AHI1: variants seen among roughly 807,000 people sequenced by gnomAD.
AHI1 encodes jouberin.
Under a neutral mutation model 149.3 loss-of-function variants are expected in AHI1, and 123 were observed. The ratio of observed to expected loss-of-function variants is 0.82; its 90% CI spans 0.71 to 0.96. AHI1 has a LOEUF of 0.96. Ranked by LOEUF, AHI1 falls within the 40% of genes least tolerant of loss-of-function variation. AHI1 has a pLI of 0.00. For synonymous variants in AHI1, 475 were observed against 459.8 expected (o/e 1.03, Z -0.42); for missense variants, 1,439 against 1,422.7 (o/e 1.01, Z -0.18).
At chr6:135,300,844 A>C in intron 26 of AHI1, 1 of 1,095,096 alleles carries the variant, frequency 9.1e-7, no homozygotes, top group Non-Finnish European at 1.1e-6. Flanking sequence ...ATCAGTTGTG[A>C]ATCAGTTTAA....
chr6:135,430,452 T>C (rs1451501563), intron 17 of AHI1, among the ~76,000 whole-genome samples: 1 of 151,942 alleles, frequency 6.6e-6, no homozygotes, highest in Non-Finnish European at 1.5e-5. Context: ...ACAGATCTGA[T>C]AGACTCAACA....
At chr6:135,310,058 T>C (rs959769707) in intron 26 of AHI1, among the ~76,000 whole-genome samples, 2 of 152,152 alleles carry the variant, frequency 1.3e-5, no homozygotes, top group African/African-American at 4.8e-5. Context: ...ATTATGACCA[T>C]ATTTCCAATG....
intron 13 of AHI1, among the ~76,000 whole-genome samples, chr6:135,443,751 C>T (rs1193313128): frequency 6.6e-6 from 1 of 152,122 alleles, no homozygotes; most frequent in Non-Finnish European, 1.5e-5. Context: ...TGTTAAGTGT[C>T]AATCATGTAC....
chr6:135,389,343 ATAT>A lies in AHI1; in HGVS notation c.3109+5430_3109+5432del, dbSNP rs200976213. 1.4e-3 allele frequency among the ~76,000 whole-genome samples: 216 copies of A among 152,056 alleles called. 3 individuals are homozygous for A. Among genetic ancestry groups the A allele is most frequent in the East Asian group, 2.1e-3 (11 of 5,178 alleles). ...AAAAAAAAAAAATACAGTTCTTCAAATATTATTCAACATGTCGATGCACAAGAG... is the reference window on the plus strand; with the variant it reads ...AAAAAAAAAAAATACAGTTCTTCAAATATTCAACATGTCGATGCACAAGAG... On this transcript the variant is annotated intron_variant, in intron 23 of 28. Coordinates refer to ENST00000265602, the MANE Select transcript of AHI1 (RefSeq NM_001134831.2).
chr6:135,362,902 C>T lies in AHI1; in HGVS notation c.3110-4715G>A, dbSNP rs187454840. On this transcript the variant is annotated intron_variant, in intron 23 of 28. Transcript: ENST00000265602. ...TTTATCTTTGTTTTTGTTGCAATTGCTTTTGGGTTCTTGATCATAAAGTCT... is the reference window on the plus strand; with the variant it reads ...TTTATCTTTGTTTTTGTTGCAATTGTTTTTGGGTTCTTGATCATAAAGTCT... Among the ~76,000 whole-genome samples the T allele has an allele frequency of 5.2e-3, 784 of 151,970 alleles. 4 individuals carry two copies. Among genetic ancestry groups the T allele is most frequent in the African/African-American group, 0.017 (712 of 41,488 alleles).
intron 5 of AHI1, among the ~76,000 whole-genome samples, chr6:135,479,175 C>A (rs903422444): frequency 2.6e-5 from 4 of 152,268 alleles, no homozygotes; most frequent in African/African-American, 9.6e-5. Context: ...CCCACACAGT[C>A]TCCACTGGGG....
At chr6:135,486,056 C>A (rs1356266183) in intron 5 of AHI1, among the ~76,000 whole-genome samples, 1 of 152,170 alleles carries the variant, frequency 6.6e-6, no homozygotes, top group Non-Finnish European at 1.5e-5. Context: ...ACATGTAAAG[C>A]ACTTATTATG....
At chr6:135,304,207 A>G (rs1250177623) in intron 26 of AHI1, among the ~76,000 whole-genome samples, 4 of 152,054 alleles carry the variant, frequency 2.6e-5, no homozygotes, top group Admixed American at 2.6e-4. Context: ...GGTGTATGCC[A>G]TCATGTCTAA....
intron 24 of AHI1, among the ~76,000 whole-genome samples, chr6:135,351,396 A>G (rs909791095): frequency 1.4e-4 from 21 of 152,222 alleles, no homozygotes; most frequent in South Asian, 8.3e-4. Flanking sequence ...TCCTATTTGC[A>G]TAAACTCATT....
chr6:135,304,466 C>T (rs1389431108), intron 26 of AHI1, among the ~76,000 whole-genome samples: 1 of 152,110 alleles, frequency 6.6e-6, no homozygotes, highest in Non-Finnish European at 1.5e-5. Flanking sequence ...TTTCTAGAAG[C>T]ATACTGTAAC....
chr6:135,434,568 T>A, intron 15 of AHI1, among the ~76,000 whole-genome samples: 1 of 151,946 alleles, frequency 6.6e-6, no homozygotes, highest in East Asian at 1.9e-4. Context: ...CAGCTCAATA[T>A]AATTAAAACA....
At chr6:135,311,712 T>C (rs1785236444) in intron 26 of AHI1, among the ~76,000 whole-genome samples, 1 of 152,216 alleles carries the variant, frequency 6.6e-6, no homozygotes, top group Admixed American at 6.5e-5. Flanking sequence ...TCAGCACTAC[T>C]CGTTTTCAAA....
chr6:135,393,915 A>T (rs1397016459), intron 23 of AHI1, among the ~76,000 whole-genome samples: 1 of 152,058 alleles, frequency 6.6e-6, no homozygotes, highest in Non-Finnish European at 1.5e-5. Flanking sequence ...AGAGTTGTGA[A>T]TCCAAGCATT....
chr6:135,292,222 C>A (rs902547133), intron 27 of AHI1, among the ~76,000 whole-genome samples: 10 of 152,094 alleles, frequency 6.6e-5, no homozygotes, highest in African/African-American at 2.4e-4. Flanking sequence ...GCCTTAGCTC[C>A]TGACTTCTAG....
chr6:135,370,226 T>A (rs1223089576), intron 23 of AHI1, among the ~76,000 whole-genome samples: 2 of 146,296 alleles, frequency 1.4e-5, no homozygotes, highest in African/African-American at 2.6e-5. Context: ...GGAGCTGACT[T>A]GGGTTGGGAC....
At chr6:135,299,516 A>G (rs1783584219) in intron 27 of AHI1, among the ~76,000 whole-genome samples, 1 of 152,200 alleles carries the variant, frequency 6.6e-6, no homozygotes, top group East Asian at 1.9e-4. Flanking sequence ...AAGCTGTTCA[A>G]TGCTGTCACA....
chr6:135,477,660 ACT>A (rs140797151), intron 5 of AHI1, among the ~76,000 whole-genome samples: 16 of 145,580 alleles, frequency 1.1e-4, no homozygotes, highest in South Asian at 2.2e-4. Flanking sequence ...CCTCCTTCGC[ACT>A]CTCTCTCTCT....
intron 7 of AHI1, 23 bp from the exon 8 acceptor site, chr6:135,463,329 A>G: frequency 6.5e-7 from 1 of 1,546,368 alleles, no homozygotes; most frequent in Non-Finnish European, 8.8e-7. Flanking sequence ...TCCAAGTATC[A>G]GCCATTACAG....
intron 5 of AHI1, among the ~76,000 whole-genome samples, chr6:135,472,964 C>T (rs1045984370): frequency 7.9e-5 from 12 of 152,076 alleles, no homozygotes; most frequent in African/African-American, 2.9e-4. Context: ...TGTAGCAATG[C>T]TTTCAATTTT....
Sources: allele counts gnomAD v4.1 joint callset (sites outside exome capture counted in the v4.1 genomes callset), GRCh38; gene constraint gnomAD v4.1.1; transcripts MANE v1.5; gene names NCBI Gene and HGNC (gene_info 2026-07-23, HGNC 2026-07-21).